The following THBS2 variants were observed in gnomAD, a reference collection of about 807,000 sequenced individuals.
The protein encoded by THBS2 is thrombospondin-2.
A neutral mutation model predicts 135.2 loss-of-function variants in THBS2; 47 were observed. The ratio of observed to expected loss-of-function variants is 0.35; its 90% CI spans 0.28 to 0.44. The LOEUF is 0.44. Among genes scored for constraint, THBS2 ranks in the 20% least tolerant of loss-of-function variants. THBS2 has a pLI of 1.00. For missense variants in THBS2, 1,288 were observed against 1,603.1 expected (o/e 0.80, Z 3.36); for synonymous variants, 639 against 633.8 (o/e 1.01, Z -0.12).
In THBS2 at chr6:169,216,450, C is replaced by G. The variant is rs1779175799; in HGVS notation, c.*1372G>C. 1 of 152,022 alleles carries G rather than the reference C, an allele frequency of 6.6e-6. No homozygotes were observed. Among genetic ancestry groups the G allele is most frequent in the Non-Finnish European group, 1.5e-5 (1 of 67,992 alleles). The allele number at this position is 152,022 out of a possible 1,614,324, so 9.4% of individuals were successfully genotyped here. The stretch of plus-strand genomic sequence containing the variant: ...CCAACAAAAAAAACAAAAACAAAAA[C>G]AAACTTGTGCATATTACACATGACT... On this transcript the variant is annotated 3_prime_UTR_variant, in exon 22 of 22. Coordinates refer to ENST00000617924, the MANE Select transcript of THBS2 (RefSeq NM_003247.5).
At chr6:169,236,240 AC>A (rs1780056416) in intron 9 of THBS2, among the ~76,000 whole-genome samples, 1 of 90,782 alleles carries the variant, frequency 1.1e-5, no homozygotes, top group African/African-American at 5.0e-5. Flanking sequence ...ATCCACACTC[AC>A]TCCCCATCCA....
At chr6:169,235,552 A>G (rs949070603) in intron 9 of THBS2, among the ~76,000 whole-genome samples, 1 of 152,018 alleles carries the variant, frequency 6.6e-6, no homozygotes. Context: ...CTTTGGGCCA[A>G]GCGCTCTGTA....
At chr6:169,249,243 T>C (rs1780676335) in intron 2 of THBS2, among the ~76,000 whole-genome samples, 2 of 152,174 alleles carry the variant, frequency 1.3e-5, no homozygotes. Context: ...TCGAGGAGCG[T>C]GTGCCAGAAG....
chr6:169,239,776 C>A, intron 6 of THBS2, 81 bp from the exon 7 acceptor site: 1 of 1,054,190 alleles, frequency 9.5e-7, no homozygotes, highest in Non-Finnish European at 1.4e-6. Flanking sequence ...TAGAAGGGGT[C>A]GACAGAATGG....
At chr6:169,239,868 C>T (rs979144751) in intron 6 of THBS2, among the ~76,000 whole-genome samples, 173 bp from the exon 7 acceptor site, 4 of 152,158 alleles carry the variant, frequency 2.6e-5, no homozygotes, top group Admixed American at 1.3e-4. Flanking sequence ...GTGCTGACAG[C>T]CTAACAAGAA....
chr6:169,234,831 G>A lies in THBS2; in HGVS notation c.1554C>T (p.Thr518=), dbSNP rs1451054203. The A allele has an allele frequency of 1.2e-6, 2 of 1,613,298 alleles. No homozygotes were observed. The highest frequency in any genetic ancestry group is 1.7e-6 in the Non-Finnish European group (2 of 1,179,786). ...GAGGCTCAGGGCTGTTGCAGACCCGGGTGCGCTCCCGGATCCCACCGGCAC... is the reference window on the plus strand; with the variant it reads ...GAGGCTCAGGGCTGTTGCAGACCCGAGTGCGCTCCCGGATCCCACCGGCAC... ...VTCAGGIRER[T]RVCNSPEPQY... Residue 518 remains threonine, a synonymous_variant, in exon 10 of 22, where the codon ACC becomes ACT. Coordinates refer to ENST00000617924, the MANE Select transcript of THBS2 (RefSeq NM_003247.5).
In THBS2 at chr6:169,248,567, G is replaced by C. The variant is rs141150786; in HGVS notation, c.459C>G (p.Thr153=). Residue 153 remains threonine (T), a synonymous_variant, in exon 3 of 22, where the codon ACC becomes ACG. Transcript: ENST00000617924. The part of the protein sequence containing the change: ...GLADSQWKNV[T]VQVAGETYSL... ...TGTAGGTCTCGCCAGCCACCTGCAC[G>C]GTGACGTTCTTCCACTGCGAGTCAG... The C allele has an allele frequency of 9.9e-6, 16 of 1,613,880 alleles. No homozygotes were observed. The highest frequency in any genetic ancestry group is 4.4e-5 in the South Asian group (4 of 91,088).
At chr6:169,250,677 C>A in intron 2 of THBS2, 56 bp downstream of exon 2, 1 of 1,519,906 alleles carries the variant, frequency 6.6e-7, no homozygotes, top group Non-Finnish European at 9.0e-7. Flanking sequence ...TCTCCCCTTG[C>A]AGCTAAGCCA....
intron 20 of THBS2, among the ~76,000 whole-genome samples, chr6:169,220,556 A>G (rs1460391275): frequency 2.0e-5 from 3 of 152,108 alleles, no homozygotes; most frequent in African/African-American, 4.8e-5. Context: ...CAACCACACT[A>G]TTGTCACAAT....
intron 1 of THBS2, among the ~76,000 whole-genome samples, chr6:169,253,476 C>A (rs928140064): frequency 6.6e-6 from 1 of 152,152 alleles, no homozygotes; most frequent in Admixed American, 6.5e-5. Flanking sequence ...GAAGGGGTGC[C>A]CGGCTGGTGA....
chr6:169,229,860 T>C (rs1288607265), intron 13 of THBS2, among the ~76,000 whole-genome samples, 181 bp from the exon 14 acceptor site: 1 of 152,108 alleles, frequency 6.6e-6, no homozygotes, highest in Non-Finnish European at 1.5e-5. Context: ...TCTTCTCAAC[T>C]CCTGCCCTGG....
Position 169,239,666 on chromosome 6 carries a change from G to C in THBS2, c.1062C>G (p.Thr354=), listed in dbSNP as rs1780223357. Residue 354 remains threonine (T), a synonymous_variant, in exon 7 of 22, where the codon ACC becomes ACG. Coordinates refer to ENST00000617924, the MANE Select transcript of THBS2 (RefSeq NM_003247.5). ...KKFKTICHQI[T]CPPATCASPS... is the part of the protein sequence containing the mutation. Reference sequence around the variant, plus strand: ...GACTGGCGCAGGTTGCAGGCGGGCAGGTGATTTGGTGGCAAATGGTTTTAA... The same window carrying C: ...GACTGGCGCAGGTTGCAGGCGGGCACGTGATTTGGTGGCAAATGGTTTTAA... 1 of 1,602,910 alleles carries C rather than the reference G, an allele frequency of 6.2e-7. No individual in the cohort carries two copies. Among genetic ancestry groups the C allele is most frequent in the Non-Finnish European group, 8.5e-7 (1 of 1,175,256 alleles).
Position 169,222,249 on chromosome 6 carries a change from G to A in THBS2, c.3221C>T (p.Thr1074Met), listed in dbSNP as rs779210790. The A allele has an allele frequency of 1.2e-5, 19 of 1,613,092 alleles. No homozygotes were observed. Among genetic ancestry groups the A allele is most frequent in the East Asian group, 2.2e-5 (1 of 44,862 alleles). The change falls in exon 19 of 22, where the codon ACG (threonine) becomes ATG (methionine). Residue 1074 changes from threonine (T) to methionine (M), a missense_variant. Thr to Met is a moderately conservative substitution (Grantham distance 81, BLOSUM62 -1). Transcript: ENST00000617924. ...CAGCGCGTTCCTCAGGTGCTCGCCC[G>A]TCCCCGTGGTGGAGTTCACCACCTT... ...SLKVVNSTTGTGEHLRNALWH... is the reference protein window; with the variant it reads ...SLKVVNSTTGMGEHLRNALWH...
In THBS2 at chr6:169,237,633, T is replaced by A. The variant is rs1189303882; in HGVS notation, c.1292A>T (p.Asp431Val). Residue 431 changes from aspartate (D) to valine (V), a missense_variant, in exon 8 of 22, where the codon GAC (aspartate) becomes GTC (valine). By Grantham distance (152) the Asp-to-Val change is radical. Transcript: ENST00000617924. The stretch of plus-strand genomic sequence containing the variant: ...ACCTGCCCGACACTCACTGCGGGTG[T>A]CACACTTGCTCAGACTGCAAGCCCG... Reference protein sequence around the residue: ...QTRACSLSKCDTRIRQDGGWS... With the variant: ...QTRACSLSKCVTRIRQDGGWS... The A allele has an allele frequency of 6.2e-7, 1 of 1,612,278 alleles. No homozygotes were observed. The highest frequency in any genetic ancestry group is 8.5e-7 in the Non-Finnish European group (1 of 1,179,912).
rs773209271 is a variant in THBS2 at position 169,232,923 on chromosome 6, C to G, written c.1746G>C (p.Leu582Phe). ...WSCGSCPVGF[L>F]GNGTHCEDLD... Reference sequence around the variant, plus strand: ...GGTCCTCACAGTGGGTGCCATTGCCCAAGAAGCCCACAGGGCAGGAGCCGC... The same window carrying G: ...GGTCCTCACAGTGGGTGCCATTGCCGAAGAAGCCCACAGGGCAGGAGCCGC... Residue 582 changes from leucine (L) to phenylalanine (F), a missense_variant, in exon 11 of 22, where the codon TTG (leucine) becomes TTC (phenylalanine). By Grantham distance (22) the Leu-to-Phe change is conservative. Coordinates refer to ENST00000617924, the MANE Select transcript of THBS2 (RefSeq NM_003247.5). 46 of 1,582,418 alleles carry G rather than the reference C, an allele frequency of 2.9e-5. No homozygotes were observed. The highest frequency in any genetic ancestry group is 1.3e-4 in the Admixed American group (7 of 53,084).
At chr6:169,226,779 C>A (rs561460988) in intron 15 of THBS2, among the ~76,000 whole-genome samples, 1 of 152,206 alleles carries the variant, frequency 6.6e-6, no homozygotes, top group Non-Finnish European at 1.5e-5. Context: ...ACTGAAGTTA[C>A]AAAAATATAA....
intron 8 of THBS2, 91 bp downstream of exon 8, chr6:169,237,534 G>C (rs1562360625): frequency 1.0e-5 from 16 of 1,576,714 alleles, no homozygotes; most frequent in Admixed American, 8.5e-5. Context: ...ACCTCGTGAG[G>C]GCAGCTCTGT....
chr6:169,226,735 C>T (rs11966235), intron 15 of THBS2, among the ~76,000 whole-genome samples: 36,937 of 152,056 alleles, frequency 0.24, 4,574 homozygotes, highest in South Asian at 0.33. Context: ...CATATCTTAT[C>T]TTAAGAAATC....
At chr6:169,251,546 C>T (rs779573695) in intron 1 of THBS2, among the ~76,000 whole-genome samples, 1 of 152,204 alleles carries the variant, frequency 6.6e-6, no homozygotes, top group Non-Finnish European at 1.5e-5. Flanking sequence ...AGCTTCTCCT[C>T]TTCCGGGCGA....
Sources: gnomAD v4.1 joint callset for allele counts (sites outside exome capture counted in the v4.1 genomes callset) on GRCh38, gnomAD v4.1.1 for gene constraint, MANE v1.5 for transcripts, NCBI Gene and HGNC (gene_info 2026-07-23, HGNC 2026-07-21) for gene names.